The following ZBTB20 variants were observed in gnomAD, a reference collection of about 807,000 sequenced individuals.
The protein encoded by ZBTB20 is zinc finger and BTB domain containing 20.
Under a neutral mutation model 56.9 loss-of-function variants are expected in ZBTB20, and 9 were observed. That is an observed-to-expected ratio of 0.16 (90% CI 0.10 to 0.28). The LOEUF (loss-of-function observed/expected upper bound fraction) is 0.28, where lower values mean the gene tolerates loss of function less well. Ranked by LOEUF, ZBTB20 falls within the 10% of genes least tolerant of loss-of-function variation. ZBTB20 has a pLI of 1.00. For missense variants in ZBTB20, 655 were observed against 1,003.0 expected, an observed-to-expected ratio of 0.65 and a Z score of 4.69; for synonymous variants, 417 against 420.7, an observed-to-expected ratio of 0.99 and a Z score of 0.11.
chr3:114,681,248 C>A (rs185572660), intron 6 of ZBTB20, among the ~76,000 whole-genome samples: 2 of 150,988 alleles, frequency 1.3e-5, no homozygotes, highest in Admixed American at 6.6e-5. Flanking sequence ...CAACCTCCGT[C>A]TCCCGGGTTT....
rs1304673150 is a variant in ZBTB20 at position 114,787,390 on chromosome 3, CACAT to C, written c.-343+13707_-343+13710del. Among the ~76,000 whole-genome samples, 260 of 145,414 alleles carry C rather than the reference CACAT, an allele frequency of 1.8e-3. 6 individuals carry two copies. Among genetic ancestry groups the C allele is most frequent in the African/African-American group, 4.2e-3 (162 of 38,882 alleles). ...ATATACACACACACACACACACACA[CACAT>C]ATATATACATATATATACGTGTGTA... On this transcript the variant is annotated intron_variant, in intron 5 of 11. Transcript: ENST00000675478.
chr3:114,362,013 T>C (rs1343741806), intron 10 of ZBTB20, among the ~76,000 whole-genome samples: 1 of 152,158 alleles, frequency 6.6e-6, no homozygotes, highest in Non-Finnish European at 1.5e-5. Flanking sequence ...CATCATGGAC[T>C]AAGGACTTAG....
At chr3:114,923,208 G>A (rs1256479456) in intron 3 of ZBTB20, among the ~76,000 whole-genome samples, 3 of 152,088 alleles carry the variant, frequency 2.0e-5, no homozygotes, top group Non-Finnish European at 4.4e-5. Flanking sequence ...ATTTTTTACA[G>A]AAATAGACAA....
At chr3:114,753,497 C>T (rs1315637934) in intron 5 of ZBTB20, among the ~76,000 whole-genome samples, 1 of 140,148 alleles carries the variant, frequency 7.1e-6, no homozygotes, top group African/African-American at 2.6e-5. Context: ...TGCAATGGAG[C>T]GATCTCAGCT....
At chr3:114,600,515 A>G (rs909022966) in intron 6 of ZBTB20, among the ~76,000 whole-genome samples, 6 of 152,044 alleles carry the variant, frequency 3.9e-5, no homozygotes, top group African/African-American at 1.2e-4. Context: ...ACACATTATG[A>G]TATAAAATAG....
At chr3:114,848,941 A>T (rs2074859477) in intron 4 of ZBTB20, among the ~76,000 whole-genome samples, 1 of 152,230 alleles carries the variant, frequency 6.6e-6, no homozygotes, top group Admixed American at 6.5e-5. Context: ...AGCCCTGCTT[A>T]GATGGTCACC....
At chr3:114,455,713 T>C (rs981233907) in intron 7 of ZBTB20, among the ~76,000 whole-genome samples, 4 of 152,208 alleles carry the variant, frequency 2.6e-5, no homozygotes, top group South Asian at 2.1e-4. Flanking sequence ...CACGATCTCA[T>C]CTAAAAAGGC....
intron 2 of ZBTB20, among the ~76,000 whole-genome samples, chr3:114,976,384 G>A (rs981759856): frequency 6.6e-6 from 1 of 152,108 alleles, no homozygotes; most frequent in African/African-American, 2.4e-5. Context: ...CCAGCAGTTC[G>A]GGAGGCCGAG....
chr3:114,722,024 A>G (rs1276592406), intron 5 of ZBTB20, among the ~76,000 whole-genome samples: 1 of 152,218 alleles, frequency 6.6e-6, no homozygotes, highest in African/African-American at 2.4e-5. Flanking sequence ...TCACTAATGT[A>G]TATCTGGAGT....
intron 5 of ZBTB20, among the ~76,000 whole-genome samples, chr3:114,774,931 A>G (rs2069475749): frequency 6.6e-6 from 1 of 152,158 alleles, no homozygotes; most frequent in Admixed American, 6.6e-5. Flanking sequence ...AAGAAAAGAA[A>G]AAACTTCCAG....
chr3:114,563,916 T>C (rs577742059), intron 6 of ZBTB20, among the ~76,000 whole-genome samples: 65 of 152,324 alleles, frequency 4.3e-4, no homozygotes, highest in Non-Finnish European at 7.8e-4. Context: ...TAGTTTCCTA[T>C]CGCTGCTGTA....
chr3:114,982,986 A>C (rs949826222), intron 2 of ZBTB20, among the ~76,000 whole-genome samples: 1 of 151,980 alleles, frequency 6.6e-6, no homozygotes, highest in Non-Finnish European at 1.5e-5. Context: ...CCATAATAAA[A>C]CAAATATTTG....
chr3:114,520,437 A>C (rs990268376), intron 6 of ZBTB20, among the ~76,000 whole-genome samples: 18 of 152,300 alleles, frequency 1.2e-4, no homozygotes, highest in African/African-American at 4.3e-4. Flanking sequence ...ATTACTACAG[A>C]AATCAAGGTA....
At chr3:114,940,150 C>A (rs2076678621) in intron 3 of ZBTB20, among the ~76,000 whole-genome samples, 1 of 145,854 alleles carries the variant, frequency 6.9e-6, no homozygotes. Context: ...ACTGTGCAAG[C>A]AAATCAAAGG....
intron 4 of ZBTB20, among the ~76,000 whole-genome samples, chr3:114,853,566 T>C (rs2075108152): frequency 6.6e-6 from 1 of 152,230 alleles, no homozygotes; most frequent in South Asian, 2.1e-4. Flanking sequence ...TTGCCCGTCC[T>C]TGTCCTTAAA....
At chr3:114,385,555 T>C (rs894506072) in intron 8 of ZBTB20, among the ~76,000 whole-genome samples, 2 of 152,254 alleles carry the variant, frequency 1.3e-5, no homozygotes, top group Non-Finnish European at 2.9e-5. Flanking sequence ...TTCTGTGATA[T>C]TCATCATGTT....
intron 6 of ZBTB20, among the ~76,000 whole-genome samples, chr3:114,686,535 T>C (rs2062353457): frequency 6.6e-6 from 1 of 152,208 alleles, no homozygotes; most frequent in African/African-American, 2.4e-5. Flanking sequence ...TTTTAATTAC[T>C]CTTCCCTTTG....
intron 4 of ZBTB20, among the ~76,000 whole-genome samples, chr3:114,863,794 C>T (rs1221753707): frequency 1.3e-5 from 2 of 151,992 alleles, no homozygotes; most frequent in Non-Finnish European, 2.9e-5. Flanking sequence ...AGTATTTCTG[C>T]TTGTAAACTA....
chr3:114,749,439 G>A (rs2067376647), intron 5 of ZBTB20, among the ~76,000 whole-genome samples: 1 of 152,024 alleles, frequency 6.6e-6, no homozygotes, highest in Non-Finnish European at 1.5e-5. Context: ...TGTAATCCTG[G>A]CTACTTGGGA....
Sources: allele counts gnomAD v4.1 joint callset (sites outside exome capture counted in the v4.1 genomes callset), GRCh38; gene constraint gnomAD v4.1.1; transcripts MANE v1.5; gene names NCBI Gene and HGNC (gene_info 2026-07-23, HGNC 2026-07-21).